Variants in TNNI3K observed in about 807,000 individuals in gnomAD.
The protein encoded by TNNI3K is serine/threonine-protein kinase TNNI3K.
In TNNI3K, 140 loss-of-function variants were observed where a neutral mutation model predicts 114.5. The observed-to-expected ratio is 1.22, with a 90% CI of 1.07 to 1.41. The LOEUF (loss-of-function observed/expected upper bound fraction) is 1.41. Ranked by LOEUF, TNNI3K falls within the 40% of genes most tolerant of loss-of-function variation. The pLI is 0.00. For missense variants in TNNI3K, 1,125 were observed against 1,007.6 expected, an observed-to-expected ratio of 1.12 and a Z score of -1.58; for synonymous variants, 347 against 347.5, an observed-to-expected ratio of 1.00 and a Z score of 0.02.
At chr1:74,244,060 T>G (rs1262810395) in intron 2 of TNNI3K, among the ~76,000 whole-genome samples, 2 of 152,142 alleles carry the variant, frequency 1.3e-5, no homozygotes, top group African/African-American at 4.8e-5. Flanking sequence ...ATCTTGAATA[T>G]TTTAATTACA....
chr1:74,453,543 T>C (rs1290539286), intron 20 of TNNI3K, among the ~76,000 whole-genome samples: 1 of 152,188 alleles, frequency 6.6e-6, no homozygotes, highest in Non-Finnish European at 1.5e-5. Flanking sequence ...CTTCTGGATT[T>C]AACAGCATAC....
intron 17 of TNNI3K, among the ~76,000 whole-genome samples, chr1:74,431,318 A>AT (rs1019850108): frequency 1.3e-5 from 2 of 151,846 alleles, no homozygotes; most frequent in Non-Finnish European, 2.9e-5. Context: ...TCTTAAGACT[A>AT]TTTTTTTCTA....
intron 5 of TNNI3K, among the ~76,000 whole-genome samples, chr1:74,289,618 C>T (rs1216221880): frequency 6.6e-6 from 1 of 151,718 alleles, no homozygotes; most frequent in African/African-American, 2.4e-5. Flanking sequence ...AATTACAGTC[C>T]TGTGCTATAT....
chr1:74,383,856 GT>G (rs953920557), intron 17 of TNNI3K, among the ~76,000 whole-genome samples: 15 of 152,016 alleles, frequency 9.9e-5, no homozygotes, highest in African/African-American at 3.6e-4. Flanking sequence ...TATGATGACA[GT>G]TTTGAATACA....
At chr1:74,413,030 A>G (rs1207210830) in intron 17 of TNNI3K, among the ~76,000 whole-genome samples, 1 of 152,240 alleles carries the variant, frequency 6.6e-6, no homozygotes, top group Non-Finnish European at 1.5e-5. Context: ...AGAAAAGAAT[A>G]CAAAACAGGT....
rs138284961 is a variant in TNNI3K at position 74,303,465 on chromosome 1, G to A, written c.445-27985G>A. On this transcript the variant is annotated intron_variant, in intron 5 of 24. Transcript: ENST00000326637. The stretch of plus-strand genomic sequence containing the variant: ...CAGGCATGAGCCACTGTGCTCAGCC[G>A]GTATACTGAATATTTTAAGCCCACT... 5.1e-3 allele frequency among the ~76,000 whole-genome samples: 768 copies of A among 152,034 alleles called. 9 individuals are homozygous for A. Among genetic ancestry groups the A allele is most frequent in the African/African-American group, 0.018 (730 of 41,460 alleles).
At chr1:74,485,527 C>T (rs933783265) in intron 21 of TNNI3K, among the ~76,000 whole-genome samples, 4 of 152,068 alleles carry the variant, frequency 2.6e-5, no homozygotes, top group Non-Finnish European at 4.4e-5. Context: ...GATTCCTGTC[C>T]CCTGGTGTAC....
intron 17 of TNNI3K, among the ~76,000 whole-genome samples, chr1:74,411,562 C>G (rs752214567): frequency 7.9e-5 from 12 of 152,104 alleles, no homozygotes; most frequent in Admixed American, 3.3e-4. Context: ...CTTAAAGACC[C>G]CTGACTGCTG....
chr1:74,499,922 G>A (rs1185498546), intron 23 of TNNI3K, among the ~76,000 whole-genome samples: 3 of 151,872 alleles, frequency 2.0e-5, no homozygotes, highest in Non-Finnish European at 4.4e-5. Context: ...TGGACTAATT[G>A]CAAACATATT....
rs1251267735 is a variant in TNNI3K at position 74,342,841 on chromosome 1, G to A, written c.683-1G>A. 5 of 1,613,378 alleles carry A rather than the reference G, an allele frequency of 3.1e-6. No homozygotes were observed. Among genetic ancestry groups the A allele is most frequent in the Non-Finnish European group, 4.2e-6 (5 of 1,179,790 alleles). ...ATCTTTTTCTTTCTTGCTGATAACA[G>A]TGAATGCTCAAGATAATGAAGACCA... On this transcript the variant is annotated splice_acceptor_variant, in intron 7 of 24. Coordinates refer to ENST00000326637, the MANE Select transcript of TNNI3K (RefSeq NM_015978.3). LOFTEE classifies it high-confidence loss of function.
Position 74,336,050 on chromosome 1 carries a change from G to A in TNNI3K, c.583G>A (p.Val195Ile), listed in dbSNP as rs374564556. The A allele has an allele frequency of 6.3e-7, 1 of 1,595,950 alleles. No homozygotes were observed. Among genetic ancestry groups the A allele is most frequent in the Non-Finnish European group, 8.5e-7 (1 of 1,174,944 alleles). The change falls in exon 7 of 25, where the codon GTA becomes ATA. Residue 195 changes from valine (V) to isoleucine (I), a missense_variant. Coordinates refer to ENST00000326637, the MANE Select transcript of TNNI3K (RefSeq NM_015978.3). The stretch of plus-strand genomic sequence containing the variant: ...TTTGAAATTTGGTGCTGATGTAAAT[G>A]TAAGTGGTGAAGTTGGAGATAGACC... Reference protein sequence around the residue: ...LLLKFGADVNVSGEVGDRPLH... With the variant: ...LLLKFGADVNISGEVGDRPLH...
intron 22 of TNNI3K, among the ~76,000 whole-genome samples, chr1:74,489,625 A>G (rs1392752705): frequency 6.6e-6 from 1 of 152,240 alleles, no homozygotes; most frequent in African/African-American, 2.4e-5. Flanking sequence ...TTTACATTCA[A>G]TGCGAAAAGA....
In TNNI3K at chr1:74,315,280, A is replaced by G. The variant is rs561965458; in HGVS notation, c.445-16170A>G. On this transcript the variant is annotated intron_variant, in intron 5 of 24. Coordinates refer to ENST00000326637, the MANE Select transcript of TNNI3K (RefSeq NM_015978.3). ...ATTCCATTATTAGTCTAGTTTAAAT[A>G]CTATTTCCAAGACTGATATTTAAAC... Among the ~76,000 whole-genome samples the G allele has an allele frequency of 1.1e-4, 17 of 152,296 alleles. No individual in the cohort carries two copies. In the South Asian group the frequency reaches 3.5e-3, roughly 32 times the overall value.
intron 2 of TNNI3K, among the ~76,000 whole-genome samples, chr1:74,243,051 T>A (rs763742908): frequency 2.6e-5 from 4 of 152,170 alleles, no homozygotes; most frequent in African/African-American, 4.8e-5. Flanking sequence ...AATGCCTTAA[T>A]AGAAATAACT....
Position 74,331,466 on chromosome 1 carries a change from T to C in TNNI3K, c.461T>C (p.Leu154Ser), listed in dbSNP as rs1004460718. ...AGHLEAADVL[L>S]QHGANVNIQD... Reference sequence around the variant, plus strand: ...CTTGTCCAGGCTGCTGATGTGCTGTTGCAACATGGAGCTAATGTCAATATT... The same window carrying C: ...CTTGTCCAGGCTGCTGATGTGCTGTCGCAACATGGAGCTAATGTCAATATT... The change falls in exon 6 of 25, where the codon TTG (leucine) becomes TCG (serine). Residue 154 changes from leucine (L) to serine (S), a missense_variant. Coordinates refer to ENST00000326637, the MANE Select transcript of TNNI3K (RefSeq NM_015978.3). The C allele has an allele frequency of 1.2e-6, 2 of 1,613,556 alleles. No homozygotes were observed. The highest frequency in any genetic ancestry group is 1.7e-6 in the Non-Finnish European group (2 of 1,179,806).
chr1:74,458,966 G>A (rs1194578810), intron 20 of TNNI3K, among the ~76,000 whole-genome samples: 1 of 152,010 alleles, frequency 6.6e-6, no homozygotes. Context: ...ATGTCCATGT[G>A]TACCCAAAGT....
intron 11 of TNNI3K, among the ~76,000 whole-genome samples, chr1:74,363,645 G>A (rs1279191739): frequency 6.6e-6 from 1 of 151,912 alleles, no homozygotes; most frequent in Admixed American, 6.6e-5. Context: ...TCTGTCAGCC[G>A]ATGTCAATTC....
intron 6 of TNNI3K, 122 bp from the exon 7 acceptor site, chr1:74,335,889 C>A: frequency 9.3e-7 from 1 of 1,073,768 alleles, no homozygotes; most frequent in Non-Finnish European, 1.3e-6. Context: ...TTTTGGACTT[C>A]TTGCTAGGTG....
chr1:74,335,855 T>G (rs887824084), intron 6 of TNNI3K, among the ~76,000 whole-genome samples, 156 bp from the exon 7 acceptor site: 8 of 152,190 alleles, frequency 5.3e-5, no homozygotes, highest in African/African-American at 1.9e-4. Flanking sequence ...GCTGTTGTAT[T>G]AATCAACCCT....
Sources: gnomAD v4.1 joint callset for allele counts (sites outside exome capture counted in the v4.1 genomes callset) on GRCh38, gnomAD v4.1.1 for gene constraint, MANE v1.5 for transcripts, NCBI Gene and HGNC (gene_info 2026-07-23, HGNC 2026-07-21) for gene names.